MME: variants seen among roughly 807,000 people sequenced by gnomAD.
The protein encoded by MME is neprilysin.
MME carries 98 observed loss-of-function variants against 113.2 expected under a neutral mutation model. That is an observed-to-expected ratio of 0.87 (90% confidence interval 0.74 to 1.02). The LOEUF (loss-of-function observed/expected upper bound fraction) is 1.02, where lower values mean the gene tolerates loss of function less well. Among genes scored for constraint, MME ranks in the 50% least tolerant of loss-of-function variants. The pLI, the probability that MME is intolerant of heterozygous loss-of-function variation, is 0.00. For synonymous variants in MME, 292 were observed against 300.6 expected (o/e 0.97, Z 0.30); for missense variants, 836 against 896.0 (o/e 0.93, Z 0.86).
intron 16 of MME, among the ~76,000 whole-genome samples, chr3:155,159,454 A>G (rs940432113): frequency 6.6e-6 from 1 of 151,988 alleles, no homozygotes; most frequent in Non-Finnish European, 1.5e-5. Context: ...TCCAATGAGC[A>G]AGTAACGATA....
intron 8 of MME, among the ~76,000 whole-genome samples, chr3:155,129,385 A>G (rs10513470): frequency 0.099 from 15,033 of 152,216 alleles, 964 homozygotes; most frequent in Non-Finnish European, 0.15. Context: ...CAGAGGTATC[A>G]TCTCCCATAA....
At chr3:155,061,675 T>C (rs1714153051) in intron 1 of MME, among the ~76,000 whole-genome samples, 2 of 150,740 alleles carry the variant, frequency 1.3e-5, no homozygotes, top group Non-Finnish European at 1.5e-5. Context: ...TTTTTTTTTT[T>C]TTTTGAGACA....
chr3:155,151,002 C>T lies in MME; in HGVS notation c.1601+2349C>T, dbSNP rs114158424. 5.7e-3 allele frequency among the ~76,000 whole-genome samples: 868 copies of T among 152,164 alleles called. 7 individuals are homozygous for T. The highest frequency in any genetic ancestry group is 0.019 in the African/African-American group (798 of 41,526). On this transcript the variant is annotated intron_variant, in intron 16 of 22. Transcript: ENST00000360490. ...ACCTGCTTAATAGTAATAAAGTTGG[C>T]TGGACATGGTGGCTCAGGCCTGTAA...
At chr3:155,157,585 T>C (rs1722408684) in intron 16 of MME, among the ~76,000 whole-genome samples, 3 of 151,704 alleles carry the variant, frequency 2.0e-5, no homozygotes, top group Admixed American at 2.0e-4. Flanking sequence ...TATATTAACA[T>C]TGAGATATTT....
intron 4 of MME, 59 bp from the exon 5 acceptor site, chr3:155,116,420 G>A: frequency 8.1e-7 from 1 of 1,227,100 alleles, no homozygotes; most frequent in South Asian, 1.2e-5. Flanking sequence ...GAGCAATTAT[G>A]TTTGCATAGT....
chr3:155,145,887 C>T (rs1426692750), intron 14 of MME, among the ~76,000 whole-genome samples: 7 of 152,028 alleles, frequency 4.6e-5, no homozygotes, highest in Non-Finnish European at 1.0e-4. Flanking sequence ...GGCAAACCTA[C>T]AAGAAAATGG....
chr3:155,049,040 C>T (rs2108126472), intron 1 of MME, among the ~76,000 whole-genome samples: 1 of 152,136 alleles, frequency 6.6e-6, no homozygotes, highest in South Asian at 2.1e-4. Context: ...TGAAATCTCC[C>T]ATTTTATTTC....
At chr3:155,094,059 G>A (rs558903120) in intron 3 of MME, among the ~76,000 whole-genome samples, 4 of 152,180 alleles carry the variant, frequency 2.6e-5, no homozygotes, top group African/African-American at 9.6e-5. Context: ...GAAGAATGTA[G>A]GTTAATAATC....
chr3:155,146,491 A>G (rs974628029), intron 14 of MME, among the ~76,000 whole-genome samples: 3 of 152,040 alleles, frequency 2.0e-5, no homozygotes, highest in African/African-American at 7.2e-5. Flanking sequence ...GTGCCACTGC[A>G]CTTCAGCCTG....
chr3:155,141,249 T>C (rs1484015054), intron 10 of MME, among the ~76,000 whole-genome samples: 1 of 152,158 alleles, frequency 6.6e-6, no homozygotes, highest in Non-Finnish European at 1.5e-5. Context: ...GTTTAATAAA[T>C]ACGTTTTGAA....
chr3:155,064,306 A>G (rs1014246631), intron 1 of MME, among the ~76,000 whole-genome samples: 15 of 152,096 alleles, frequency 9.9e-5, no homozygotes, highest in African/African-American at 3.6e-4. Flanking sequence ...AATTATACAT[A>G]TATAATATAA....
chr3:155,070,599 A>G (rs1714518785), intron 1 of MME, among the ~76,000 whole-genome samples: 1 of 152,200 alleles, frequency 6.6e-6, no homozygotes, highest in Non-Finnish European at 1.5e-5. Flanking sequence ...AAGCATAAAT[A>G]AATAAAGCAT....
chr3:155,139,655 T>C (rs544981588), intron 9 of MME, among the ~76,000 whole-genome samples: 3 of 152,214 alleles, frequency 2.0e-5, no homozygotes, highest in Non-Finnish European at 4.4e-5. Context: ...CAAAGGTCCA[T>C]GATGTTGCCA....
At chr3:155,118,724 CT>C in intron 7 of MME, 21 bp from the exon 8 acceptor site, 1 of 1,461,800 alleles carries the variant, frequency 6.8e-7, no homozygotes, top group Non-Finnish European at 9.5e-7. Context: ...GATTTATTTT[CT>C]TTTATGTATA....
intron 17 of MME, among the ~76,000 whole-genome samples, chr3:155,162,581 C>T (rs4679739): frequency 0.41 from 62,986 of 151,906 alleles, 13,996 homozygotes; most frequent in African/African-American, 0.58. Flanking sequence ...CATATGCTTG[C>T]CTGGTTCTTG....
At chr3:155,107,435 A>T (rs1371489889) in intron 3 of MME, among the ~76,000 whole-genome samples, 2 of 152,154 alleles carry the variant, frequency 1.3e-5, no homozygotes, top group African/African-American at 4.8e-5. Context: ...TATGTTGTAA[A>T]TAGATGCCTA....
intron 3 of MME, among the ~76,000 whole-genome samples, chr3:155,102,298 C>T (rs1717316275): frequency 6.6e-6 from 1 of 152,110 alleles, no homozygotes; most frequent in South Asian, 2.1e-4. Context: ...CCATTATGGG[C>T]TAGTCATTGT....
In MME at chr3:155,166,897, T is replaced by C. The variant is rs892536999; in HGVS notation, c.1661-5T>C. 6.2e-7 allele frequency: 1 copy of C among 1,613,462 alleles called. No individual in the cohort carries two copies. Among genetic ancestry groups the C allele is most frequent in the African/African-American group, 1.3e-5 (1 of 74,884 alleles). ...ATAATCTCTAACTATCTTCTCTCCT[T>C]GTAGTCTTCCCAGCCGGCATTCTGC... On this transcript the variant is annotated splice_polypyrimidine_tract_variant and splice_region_variant and intron_variant, in intron 17 of 22. Coordinates refer to ENST00000360490, the MANE Select transcript of MME (RefSeq NM_007289.4).
At chr3:155,067,453 G>A (rs1012621708) in intron 1 of MME, among the ~76,000 whole-genome samples, 1 of 151,522 alleles carries the variant, frequency 6.6e-6, no homozygotes, top group Non-Finnish European at 1.5e-5. Context: ...TGGGATTACA[G>A]GTGCGTGCCA....
Sources: gnomAD v4.1 joint callset for allele counts (sites outside exome capture counted in the v4.1 genomes callset) on GRCh38, gnomAD v4.1.1 for gene constraint, MANE v1.5 for transcripts, NCBI Gene and HGNC (gene_info 2026-07-23, HGNC 2026-07-21) for gene names.